FAM161A: variants seen among roughly 807,000 people sequenced by gnomAD.
FAM161A encodes protein FAM161A.
In FAM161A, 57 loss-of-function variants were observed where a neutral mutation model predicts 70.9. That is an observed-to-expected ratio of 0.80 (90% CI 0.65 to 1.00). The LOEUF (loss-of-function observed/expected upper bound fraction) is 1.00, where lower values mean the gene tolerates loss of function less well. Ranked by LOEUF, FAM161A falls within the 50% of genes least tolerant of loss-of-function variation. The probability of loss-of-function intolerance (pLI) is 0.00; values close to 1 mark genes in which losing one functional copy is unlikely to be tolerated. For synonymous variants in FAM161A, 299 were observed against 295.7 expected, an observed-to-expected ratio of 1.01 and a Z score of -0.12; for missense variants, 880 against 836.0, an observed-to-expected ratio of 1.05 and a Z score of -0.65.
At position 61,829,978 on chromosome 2, in the gene FAM161A, T is replaced by TAA. The variant is rs35728481; in HGVS notation, c.1852-2722_1852-2721dup. ...AAATAGACTGCAGCAAAAAATGTAC[T>TAA]AAAAAAAAAAAGCAATGGCGATTCA... On this transcript the variant is annotated intron_variant, in intron 5 of 6. Coordinates refer to ENST00000404929, the MANE Select transcript of FAM161A (RefSeq NM_001201543.2). Among the ~76,000 whole-genome samples, 36 of 146,844 alleles carry TAA rather than the reference T, an allele frequency of 2.5e-4. No individual in the cohort carries two copies. In the East Asian group the frequency reaches 5.6e-3, roughly 23 times the overall value.
At chr2:61,819,317 C>A in the FAM161A span, among the ~76,000 whole-genome samples, 63 of 152,124 alleles carry the variant, frequency 4.1e-4, no homozygotes, top group Non-Finnish European at 7.6e-4. Context: ...AAAAATTAGC[C>A]GGGCATGGTG....
In FAM161A at chr2:61,830,678, T is replaced by A. The variant is rs182641805; in HGVS notation, c.1852-3420A>T. ...CAGCCTGGGTGACAGAGTAAGACCC[T>A]GTCTCAAAAAAAAAAAAAAAAAAAA... On this transcript the variant is annotated intron_variant, in intron 5 of 6. Transcript: ENST00000404929. 2.7e-3 allele frequency among the ~76,000 whole-genome samples: 208 copies of A among 77,364 alleles called. 4 individuals are homozygous for A. The highest frequency in any genetic ancestry group is 0.019 in the Admixed American group (124 of 6,672). 50.8% of individuals were successfully genotyped at this position (77,364 alleles called of 152,430 possible). A position where few individuals can be genotyped will look rare whatever the true frequency, so the allele number is the denominator to read the frequency against.
chr2:61,844,925 T>C (rs1325808818), intron 1 of FAM161A, among the ~76,000 whole-genome samples: 1 of 152,016 alleles, frequency 6.6e-6, no homozygotes. Context: ...TGGAGACACA[T>C]GGTTGGACGA....
intron 1 of FAM161A, among the ~76,000 whole-genome samples, chr2:61,851,462 G>A (rs897730937): frequency 3.9e-5 from 6 of 152,056 alleles, no homozygotes; most frequent in African/African-American, 1.4e-4. Flanking sequence ...GCGCCCCCTA[G>A]TAGCTGGGAT....
At chr2:61,847,835 A>G (rs1031792611) in intron 1 of FAM161A, among the ~76,000 whole-genome samples, 1 of 152,148 alleles carries the variant, frequency 6.6e-6, no homozygotes, top group Admixed American at 6.6e-5. Context: ...TTGTGTCCCC[A>G]GTGTCTAGAA....
downstream of FAM161A, among the ~76,000 whole-genome samples, chr2:61,824,360 T>A (rs1344707726): frequency 1.3e-5 from 2 of 152,122 alleles, no homozygotes; most frequent in African/African-American, 4.8e-5. Flanking sequence ...CCTCTTTTTT[T>A]AACTTTGGTT....
At chr2:61,802,510 G>A in the FAM161A span, among the ~76,000 whole-genome samples, 16,053 of 152,042 alleles carry the variant, frequency 0.11, 1,011 homozygotes, top group Middle Eastern at 0.2. Flanking sequence ...CATAATCACC[G>A]TAAAGTGCTT....
Position 61,840,218 on chromosome 2 carries a change from G to A in FAM161A, c.786C>T (p.Ile262=), listed in dbSNP as rs753308050. Residue 262 remains isoleucine, a synonymous_variant, in exon 3 of 7, where the codon ATC becomes ATT. Transcript: ENST00000404929. ...KEESMKSKSD[I]EMVHKALKKQ... Reference sequence around the variant, plus strand: ...TTTTGAGCGCTTTATGTACCATTTCGATATCTGATTTAGATTTCATGGACT... The same window carrying A: ...TTTTGAGCGCTTTATGTACCATTTCAATATCTGATTTAGATTTCATGGACT... 1.4e-5 allele frequency: 23 copies of A among 1,613,724 alleles called. No homozygotes were observed. Among genetic ancestry groups the A allele is most frequent in the South Asian group, 1.2e-4 (11 of 91,008 alleles).
intron 1 of FAM161A, among the ~76,000 whole-genome samples, chr2:61,853,541 C>G (rs184790026): frequency 3.1e-4 from 47 of 152,288 alleles, no homozygotes; most frequent in African/African-American, 1.1e-3. Flanking sequence ...AGATATATCT[C>G]TATATATCCA....
Position 61,825,004 on chromosome 2 carries a change from T to C in FAM161A, c.*1451A>G, listed in dbSNP as rs1457282424. On this transcript the variant is annotated 3_prime_UTR_variant, in exon 7 of 7. Transcript: ENST00000404929. ...GTAAAAAGTAATTTAACACGAACTG[T>C]AGGAAGAAAATTACAAGTAAACATT... is the stretch of plus-strand genomic sequence containing the variant. The C allele has an allele frequency of 2.2e-6, 1 of 453,370 alleles. No individual in the cohort carries two copies. The highest frequency in any genetic ancestry group is 4.4e-6 in the Non-Finnish European group (1 of 226,636). The allele number at this position is 453,370 out of a possible 1,614,324, so 28.1% of individuals were successfully genotyped here.
intron 2 of FAM161A, among the ~76,000 whole-genome samples, 176 bp downstream of exon 2, chr2:61,841,946 C>T (rs775570855): frequency 3.9e-5 from 6 of 152,296 alleles, no homozygotes; most frequent in East Asian, 1.9e-4. Flanking sequence ...CTCAAGCAAA[C>T]GGTCATCCAG....
At chr2:61,803,332 AC>A in the FAM161A span, 1 of 681,266 alleles carries the variant, frequency 1.5e-6, no homozygotes, top group Non-Finnish European at 2.8e-6. Context: ...ACCCAAACAT[AC>A]CAAACATAGA....
At chr2:61,806,536 C>T in the FAM161A span, among the ~76,000 whole-genome samples, 2 of 152,018 alleles carry the variant, frequency 1.3e-5, no homozygotes, top group African/African-American at 2.4e-5. Context: ...AATACTGATT[C>T]TCAGTTTTTA....
At chr2:61,826,947 C>T (rs1453754620) in intron 6 of FAM161A, among the ~76,000 whole-genome samples, 157 bp downstream of exon 6, 2 of 152,120 alleles carry the variant, frequency 1.3e-5, no homozygotes, top group African/African-American at 4.8e-5. Context: ...GTTAAAATAT[C>T]AGTGTGTTTT....
At chr2:61,831,760 TTG>T (rs1304583647) in intron 5 of FAM161A, among the ~76,000 whole-genome samples, 2 of 152,142 alleles carry the variant, frequency 1.3e-5, no homozygotes, top group Non-Finnish European at 2.9e-5. Flanking sequence ...AGTGGAGTGC[TTG>T]TCTTTCAGCA....
chr2:61,845,925 C>T lies in FAM161A; in HGVS notation c.184-3565G>A, dbSNP rs147744449. On this transcript the variant is annotated intron_variant, in intron 1 of 6. Coordinates refer to ENST00000404929, the MANE Select transcript of FAM161A (RefSeq NM_001201543.2). ...CCAACATGGTGAAACCCCTTCTCTA[C>T]TAAAAATACAAAAATTAGCCAGGCA... is the stretch of plus-strand genomic sequence containing the variant. Among the ~76,000 whole-genome samples the T allele has an allele frequency of 7.0e-3, 1,059 of 151,964 alleles. 28 individuals carry two copies. In the East Asian group the frequency reaches 0.072, roughly 10 times the overall value.
the FAM161A span, among the ~76,000 whole-genome samples, chr2:61,813,718 CAAAAAAA>C: frequency 5.1e-3 from 445 of 87,020 alleles, 6 homozygotes; most frequent in Middle Eastern, 0.029. Context: ...GACCCTGTCT[CAAAAAAA>C]AAAAAAAAAA....
rs549187008 is a variant in FAM161A, at chr2:61,835,744, G to A, written c.1851+266C>T. The A allele has an allele frequency of 7.3e-6, 3 of 411,638 alleles. No individual in the cohort carries two copies. The South Asian group carries it at 1.0e-4, about 14-fold the overall frequency. 25.5% of individuals were successfully genotyped at this position (411,638 alleles called of 1,614,324 possible). A position where few individuals can be genotyped will look rare whatever the true frequency, so the allele number is the denominator to read the frequency against. On this transcript the variant is annotated intron_variant, in intron 5 of 6. Coordinates refer to ENST00000404929, the MANE Select transcript of FAM161A (RefSeq NM_001201543.2). ...GAGGTCTTGCTACGTTGCACAGGTT[G>A]GACCAAAACTCTTGGGCTCAAGCAA...
chr2:61,818,297 C>A, the FAM161A span, among the ~76,000 whole-genome samples: 1 of 152,130 alleles, frequency 6.6e-6, no homozygotes, highest in Non-Finnish European at 1.5e-5. Context: ...CTCAAGTGAT[C>A]CACCCGCCTC....
Sources: allele counts gnomAD v4.1 joint callset (sites outside exome capture counted in the v4.1 genomes callset), GRCh38; gene constraint gnomAD v4.1.1; transcripts MANE v1.5; gene names NCBI Gene and HGNC (gene_info 2026-07-23, HGNC 2026-07-21).